ERLEC1: variants seen among roughly 807,000 people sequenced by gnomAD.
The protein encoded by ERLEC1 is ER lectin.
Under a neutral mutation model 68.0 loss-of-function variants are expected in ERLEC1, and 47 were observed. That is an observed-to-expected ratio of 0.69 (90% confidence interval 0.55 to 0.88). ERLEC1 has a LOEUF of 0.88. ERLEC1 is among the 40% of genes least tolerant of loss of function. The pLI is 0.00. For missense variants in ERLEC1, 567 were observed against 583.8 expected (o/e 0.97, Z 0.30); for synonymous variants, 225 against 203.2 (o/e 1.11, Z -0.91).
chr2:53,806,928 T>C (rs954329484), intron 8 of ERLEC1, among the ~76,000 whole-genome samples: 2 of 152,196 alleles, frequency 1.3e-5, no homozygotes, highest in African/African-American at 4.8e-5. Flanking sequence ...TAATTACCCT[T>C]TTCTCTACAT....
intron 8 of ERLEC1, among the ~76,000 whole-genome samples, chr2:53,802,190 G>A (rs941079716): frequency 5.3e-5 from 8 of 151,954 alleles, no homozygotes; most frequent in African/African-American, 1.9e-4. Flanking sequence ...GCTCATTGCT[G>A]CCCTTTTAAC....
At chr2:53,816,641 C>T (rs566664018) in intron 13 of ERLEC1, among the ~76,000 whole-genome samples, 3 of 151,998 alleles carry the variant, frequency 2.0e-5, no homozygotes, top group Non-Finnish European at 4.4e-5. Flanking sequence ...TCATTTATTC[C>T]TCTTTAATAG....
chr2:53,813,653 G>C (rs1676708386), intron 11 of ERLEC1, among the ~76,000 whole-genome samples: 1 of 152,160 alleles, frequency 6.6e-6, no homozygotes, highest in African/African-American at 2.4e-5. Flanking sequence ...TCTTAACTCA[G>C]TATGTTTTCA....
At chr2:53,792,492 A>C (rs1675465099) in intron 1 of ERLEC1, among the ~76,000 whole-genome samples, 1 of 152,148 alleles carries the variant, frequency 6.6e-6, no homozygotes, top group Non-Finnish European at 1.5e-5. Flanking sequence ...ACCTTGGACA[A>C]ATGGTTGAAG....
chr2:53,797,893 T>C, intron 5 of ERLEC1, 98 bp downstream of exon 5: 1 of 1,145,660 alleles, frequency 8.7e-7, no homozygotes, highest in South Asian at 1.3e-5. Context: ...GGACATTGTG[T>C]GAATTTTAAA....
At position 53,797,535 on chromosome 2, in the gene ERLEC1, C is replaced by T. The variant is rs770748204; in HGVS notation, c.369C>T (p.Tyr123=). The change falls in exon 4 of 14, where the codon TAC becomes TAT. Residue 123 remains tyrosine (Y), a synonymous_variant. Coordinates refer to ENST00000185150, the MANE Select transcript of ERLEC1 (RefSeq NM_015701.5). ...TTTAGATTGAGTCTTATTGGACTTACGAAGTATGTCATGGAAAACACATTC... is the reference window on the plus strand; with the variant it reads ...TTTAGATTGAGTCTTATTGGACTTATGAAGTATGTCATGGAAAACACATTC... ...CSYRIESYWT[Y]EVCHGKHIRQ... The T allele has an allele frequency of 8.7e-6, 14 of 1,612,074 alleles. No homozygotes were observed. Among genetic ancestry groups the T allele is most frequent in the Middle Eastern group, 1.7e-4 (1 of 6,050 alleles).
intron 11 of ERLEC1, among the ~76,000 whole-genome samples, chr2:53,814,084 G>A (rs974456279): frequency 5.3e-5 from 8 of 152,096 alleles, no homozygotes; most frequent in Admixed American, 2.6e-4. Context: ...GCTTTTCTTT[G>A]GATCCTGCTC....
At chr2:53,803,679 G>A (rs189641944) in intron 8 of ERLEC1, among the ~76,000 whole-genome samples, 2 of 152,156 alleles carry the variant, frequency 1.3e-5, no homozygotes, top group East Asian at 3.9e-4. Flanking sequence ...GCAGGCTGAA[G>A]TAGGAGGATC....
Position 53,814,952 on chromosome 2 carries a change from A to G in ERLEC1, c.1380+17A>G. On this transcript the variant is annotated intron_variant, in intron 13 of 13. Transcript: ENST00000185150. The stretch of plus-strand genomic sequence containing the variant: ...ATTCTTGGGGTAAGTTAAAAAGAAA[A>G]TAATCAAAAATTCCATTTTGAGCCA... The G allele has an allele frequency of 6.9e-7, 1 of 1,459,702 alleles. No individual in the cohort carries two copies. 90.4% of individuals were successfully genotyped at this position (1,459,702 alleles called of 1,614,324 possible).
chr2:53,795,254 A>G (rs1306091682), intron 2 of ERLEC1, among the ~76,000 whole-genome samples: 1 of 152,198 alleles, frequency 6.6e-6, no homozygotes, highest in East Asian at 1.9e-4. Flanking sequence ...AGGAGCCAGG[A>G]GGCTGAGGTA....
intron 2 of ERLEC1, among the ~76,000 whole-genome samples, chr2:53,795,248 G>A (rs562698781): frequency 6.6e-6 from 1 of 152,176 alleles, no homozygotes; most frequent in South Asian, 2.1e-4. Context: ...CGGCCTAGGA[G>A]CCAGGAGGCT....
chr2:53,806,680 A>G (rs934791621), intron 8 of ERLEC1, among the ~76,000 whole-genome samples: 3 of 152,208 alleles, frequency 2.0e-5, no homozygotes, highest in Non-Finnish European at 2.9e-5. Flanking sequence ...AGTGACTCAT[A>G]CAAGCTGAAG....
At chr2:53,812,483 T>C (rs1224844315) in intron 10 of ERLEC1, among the ~76,000 whole-genome samples, 1 of 152,168 alleles carries the variant, frequency 6.6e-6, no homozygotes, top group Non-Finnish European at 1.5e-5. Context: ...AGTATAACAT[T>C]GCGTAGGATG....
At chr2:53,794,026 T>A (rs1204662471) in intron 1 of ERLEC1, among the ~76,000 whole-genome samples, 1 of 152,118 alleles carries the variant, frequency 6.6e-6, no homozygotes, top group Non-Finnish European at 1.5e-5. Flanking sequence ...CACTGGAGAT[T>A]CCAAAAGACA....
At chr2:53,815,964 C>T (rs1676855077) in intron 13 of ERLEC1, among the ~76,000 whole-genome samples, 1 of 152,028 alleles carries the variant, frequency 6.6e-6, no homozygotes, top group Non-Finnish European at 1.5e-5. Flanking sequence ...ATATTTTTTT[C>T]TCTGTCTGTG....
chr2:53,799,749 G>T (rs1675908037), intron 6 of ERLEC1, among the ~76,000 whole-genome samples: 1 of 151,974 alleles, frequency 6.6e-6, no homozygotes, highest in South Asian at 2.1e-4. Context: ...AAAGTAAAAT[G>T]GCAAAGTCTT....
rs1258539159 is a variant in ERLEC1, at chr2:53,809,293, T to A, written c.1101+20T>A. On this transcript the variant is annotated intron_variant, in intron 10 of 13. Transcript: ENST00000185150. Reference sequence around the variant, plus strand: ...CATGAGGTATAGAATAGCATTTATATATCATTCTACCACTAGATGGTTTAA... The same window carrying A: ...CATGAGGTATAGAATAGCATTTATAAATCATTCTACCACTAGATGGTTTAA... 1.0e-5 allele frequency: 15 copies of A among 1,482,986 alleles called. No homozygotes were observed. The highest frequency in any genetic ancestry group is 1.4e-5 in the Non-Finnish European group (15 of 1,109,598). 91.9% of individuals were successfully genotyped at this position (1,482,986 alleles called of 1,614,324 possible). A position where few individuals can be genotyped will look rare whatever the true frequency, so the allele number is the denominator to read the frequency against.
In ERLEC1 at chr2:53,814,630, A is replaced by G; in HGVS notation, c.1304+10A>G. 1 of 1,598,306 alleles carries G rather than the reference A, an allele frequency of 6.3e-7. No individual in the cohort carries two copies. Among genetic ancestry groups the G allele is most frequent in the Non-Finnish European group, 8.6e-7 (1 of 1,167,316 alleles). On this transcript the variant is annotated intron_variant, in intron 12 of 13. Transcript: ENST00000185150. Reference sequence around the variant, plus strand: ...TGACTGTAAAACTAAAGTAAGTTAGACCATCAAATCATGCTGTATGCCTTT... The same window carrying G: ...TGACTGTAAAACTAAAGTAAGTTAGGCCATCAAATCATGCTGTATGCCTTT...
At chr2:53,790,387 C>T (rs976070914) in intron 1 of ERLEC1, among the ~76,000 whole-genome samples, 4 of 152,004 alleles carry the variant, frequency 2.6e-5, no homozygotes, top group Admixed American at 1.3e-4. Context: ...CATGAGCCAC[C>T]GTGCCTGGCC....
Sources: gnomAD v4.1 joint callset for allele counts (sites outside exome capture counted in the v4.1 genomes callset) on GRCh38, gnomAD v4.1.1 for gene constraint, MANE v1.5 for transcripts, NCBI Gene and HGNC (gene_info 2026-07-23, HGNC 2026-07-21) for gene names.